DMGDH: variants seen among roughly 807,000 people sequenced by gnomAD.
DMGDH encodes the protein dimethylglycine dehydrogenase, mitochondrial.
DMGDH carries 76 observed loss-of-function variants against 95.2 expected under a neutral mutation model. That is an observed-to-expected ratio of 0.80 (90% CI 0.66 to 0.97). The LOEUF (loss-of-function observed/expected upper bound fraction) is 0.97, where lower values mean the gene tolerates loss of function less well. Ranked by LOEUF, DMGDH falls within the 50% of genes least tolerant of loss-of-function variation. The pLI is 0.00. For missense variants in DMGDH, 987 were observed against 1,055.0 expected (o/e 0.94, Z 0.89); for synonymous variants, 345 against 377.6 (o/e 0.91, Z 1.00).
chr5:79,021,686 C>A, intron 14 of DMGDH: 1 of 1,301,780 alleles, frequency 7.7e-7, no homozygotes, highest in Admixed American at 2.2e-5. Flanking sequence ...CTGATCCTAT[C>A]ATAAAACACA....
Position 79,063,704 on chromosome 5 carries a change from A to C in DMGDH, c.185T>G (p.Val62Gly), listed in dbSNP as rs373875288. 1.7e-5 allele frequency: 27 copies of C among 1,614,074 alleles called. No individual in the cohort carries two copies. Among genetic ancestry groups the C allele is most frequent in the Non-Finnish European group, 2.1e-5 (25 of 1,180,040 alleles). ...TTTGGCCAGGTGATAAGCCAGACTCACACCAACACAGCCACCTCCAATTAT... is the reference window on the plus strand; with the variant it reads ...TTTGGCCAGGTGATAAGCCAGACTCCCACCAACACAGCCACCTCCAATTAT... ...TVIIGGGCVG[V>G]SLAYHLAKAG... The change falls in exon 2 of 16, where the codon GTG becomes GGG. Residue 62 changes from valine to glycine, a missense_variant. Transcript: ENST00000255189.
Position 79,042,379 on chromosome 5 carries a change from T to G in DMGDH, c.1097A>C (p.Asn366Thr). 1.2e-6 allele frequency: 2 copies of G among 1,614,194 alleles called. No homozygotes were observed. The highest frequency in any genetic ancestry group is 2.2e-5 in the South Asian group (2 of 91,080). ...ATACGTGATAGGACCATTGACAACA[T>G]TGATGATGTCAGCCTTTTTCAAGAC... ...VPVLKKADII[N>T]VVNGPITYSP... is the part of the protein sequence containing the mutation. The change falls in exon 7 of 16, where the codon AAT becomes ACT. Residue 366 changes from asparagine to threonine, a missense_variant. Coordinates refer to ENST00000255189, the MANE Select transcript of DMGDH (RefSeq NM_013391.3).
chr5:79,021,413 T>C, intron 14 of DMGDH: 1 of 1,186,542 alleles, frequency 8.4e-7, no homozygotes. Flanking sequence ...GTCTACTAGA[T>C]GAACGGATGA....
intron 14 of DMGDH, among the ~76,000 whole-genome samples, chr5:79,012,908 A>G (rs653275): frequency 0.81 from 122,651 of 152,234 alleles, 49,769 homozygotes; most frequent in African/African-American, 0.9. Context: ...GATGATAGGG[A>G]TTGTTGTGAA....
At chr5:79,039,973 C>A (rs1754462259) in intron 7 of DMGDH, among the ~76,000 whole-genome samples, 1 of 141,182 alleles carries the variant, frequency 7.1e-6, no homozygotes, top group South Asian at 2.6e-4. Context: ...TCCTATGTAT[C>A]TCTTCCATTT....
intron 9 of DMGDH, among the ~76,000 whole-genome samples, chr5:79,031,308 G>T (rs575640627): frequency 6.6e-6 from 1 of 152,186 alleles, no homozygotes; most frequent in Admixed American, 6.5e-5. Flanking sequence ...AAGTCAACCA[G>T]TCTGGTGGTT....
At chr5:79,053,121 C>T (rs1446760830) in intron 4 of DMGDH, among the ~76,000 whole-genome samples, 9 of 152,006 alleles carry the variant, frequency 5.9e-5, no homozygotes, top group African/African-American at 4.8e-5. Flanking sequence ...TAATATATAC[C>T]GCATAACATA....
At chr5:79,048,719 T>C (rs964873625) in intron 5 of DMGDH, among the ~76,000 whole-genome samples, 2 of 152,082 alleles carry the variant, frequency 1.3e-5, no homozygotes, top group African/African-American at 2.4e-5. Flanking sequence ...TTCTATCTTT[T>C]AAATACAGAT....
At chr5:79,021,564 T>C in intron 14 of DMGDH, 1 of 1,292,834 alleles carries the variant, frequency 7.7e-7, no homozygotes, top group Non-Finnish European at 1.0e-6. Flanking sequence ...CCATTGTTCT[T>C]TTCCCTACTT....
intron 14 of DMGDH, among the ~76,000 whole-genome samples, chr5:79,017,871 C>A (rs1001666163): frequency 2.0e-5 from 3 of 152,112 alleles, no homozygotes; most frequent in Non-Finnish European, 2.9e-5. Context: ...GGACTTCAAG[C>A]AAATTTTGGT....
At chr5:79,040,559 C>A (rs1474458300) in intron 7 of DMGDH, among the ~76,000 whole-genome samples, 1 of 152,120 alleles carries the variant, frequency 6.6e-6, no homozygotes, top group Admixed American at 6.5e-5. Context: ...ACAATGGTTA[C>A]TTGTATATGA....
At chr5:79,021,483 C>A in intron 14 of DMGDH, 2 of 1,248,860 alleles carry the variant, frequency 1.6e-6, no homozygotes, top group Non-Finnish European at 2.1e-6. Context: ...GAGGCTGGAA[C>A]AACTCCAAGA....
chr5:79,011,238 A>T (rs1360075505), intron 14 of DMGDH, among the ~76,000 whole-genome samples: 1 of 152,198 alleles, frequency 6.6e-6, no homozygotes, highest in Non-Finnish European at 1.5e-5. Context: ...GAATCACAGG[A>T]GTCTTAAAGC....
At chr5:79,052,217 T>G (rs954348988) in intron 4 of DMGDH, among the ~76,000 whole-genome samples, 3 of 152,220 alleles carry the variant, frequency 2.0e-5, no homozygotes, top group Admixed American at 6.5e-5. Flanking sequence ...TTTGCTAGTA[T>G]TTTGTTGAGG....
chr5:79,015,316 C>T (rs1274447622), intron 14 of DMGDH, among the ~76,000 whole-genome samples: 1 of 152,142 alleles, frequency 6.6e-6, no homozygotes, highest in Non-Finnish European at 1.5e-5. Flanking sequence ...TTGAAGTCTT[C>T]GCCTTCTCTC....
chr5:79,016,416 A>G (rs568979668), intron 14 of DMGDH, among the ~76,000 whole-genome samples: 45 of 152,338 alleles, frequency 3.0e-4, no homozygotes, highest in African/African-American at 1.0e-3. Flanking sequence ...AGATCAACAT[A>G]TAAGACCAAT....
chr5:79,045,667 G>A (rs781451436), intron 5 of DMGDH, among the ~76,000 whole-genome samples: 3 of 152,338 alleles, frequency 2.0e-5, no homozygotes, highest in South Asian at 4.1e-4. Flanking sequence ...GGGGCAGGGA[G>A]TTCTATTTGC....
intron 14 of DMGDH, among the ~76,000 whole-genome samples, chr5:79,015,091 C>A (rs6860801): frequency 1.1e-4 from 16 of 151,900 alleles, no homozygotes; most frequent in Non-Finnish European, 1.9e-4. Flanking sequence ...GCTCAGATGC[C>A]TTCTGGGACT....
chr5:79,006,544 T>C (rs958151968), intron 14 of DMGDH, among the ~76,000 whole-genome samples: 4 of 152,238 alleles, frequency 2.6e-5, no homozygotes, highest in Admixed American at 1.3e-4. Context: ...AAATTTGTGA[T>C]ATATAAATCG....
Sources: allele counts gnomAD v4.1 joint callset (sites outside exome capture counted in the v4.1 genomes callset), GRCh38; gene constraint gnomAD v4.1.1; transcripts MANE v1.5; gene names NCBI Gene and HGNC (gene_info 2026-07-23, HGNC 2026-07-21).